The following SBF2 variants were observed in gnomAD, a reference collection of about 807,000 sequenced individuals.
The protein encoded by SBF2 is SET binding factor 2, also known as myotubularin-related protein 13.
A neutral mutation model predicts 225.2 loss-of-function variants in SBF2; 112 were observed. That is an observed-to-expected ratio of 0.50 (90% CI 0.43 to 0.58). The LOEUF (loss-of-function observed/expected upper bound fraction) is 0.58. Ranked by LOEUF, SBF2 falls within the 20% of genes least tolerant of loss-of-function variation. The probability of loss-of-function intolerance (pLI) is 0.00; values close to 1 mark genes in which losing one functional copy is unlikely to be tolerated. For missense variants in SBF2, 1,996 were observed against 2,206.2 expected (o/e 0.90, Z 1.91); for synonymous variants, 763 against 773.3 (o/e 0.99, Z 0.22).
At chr11:10,285,876 C>T (rs1351718885) in intron 1 of SBF2, among the ~76,000 whole-genome samples, 2 of 152,124 alleles carry the variant, frequency 1.3e-5, no homozygotes, top group African/African-American at 2.4e-5. Context: ...TAAAAAAGAG[C>T]ACAAATTTGA....
chr11:10,171,745 T>C (rs1360831398), intron 2 of SBF2, among the ~76,000 whole-genome samples: 2 of 152,234 alleles, frequency 1.3e-5, no homozygotes, highest in East Asian at 1.9e-4. Flanking sequence ...TTGATATTAA[T>C]AGAATTCAGC....
intron 28 of SBF2, chr11:9,828,549 C>A: frequency 1.0e-6 from 1 of 985,430 alleles, no homozygotes; most frequent in Non-Finnish European, 1.2e-6. Context: ...GCCAAAGAGA[C>A]CAACTTCTCA....
intron 1 of SBF2, among the ~76,000 whole-genome samples, chr11:10,265,857 TTGTG>T (rs10616720): frequency 7.3e-5 from 11 of 150,254 alleles, no homozygotes; most frequent in East Asian, 4.0e-4. Context: ...GCCAGGCTAA[TTGTG>T]TGTGTGTGTG....
At chr11:9,834,301 A>G (rs1240255853) in intron 26 of SBF2, among the ~76,000 whole-genome samples, 1 of 151,540 alleles carries the variant, frequency 6.6e-6, no homozygotes, top group Non-Finnish European at 1.5e-5. Context: ...CATGTTGGTC[A>G]GGCTGGTCTC....
chr11:10,195,106 C>T (rs1957311334), intron 1 of SBF2, among the ~76,000 whole-genome samples: 1 of 152,188 alleles, frequency 6.6e-6, no homozygotes, highest in Admixed American at 6.5e-5. Context: ...GGTTTCCCAA[C>T]ATCAGCACTA....
chr11:9,826,731 ATGTG>A (rs71453933), intron 28 of SBF2, among the ~76,000 whole-genome samples: 1,570 of 64,882 alleles, frequency 0.024, 15 homozygotes, highest in Middle Eastern at 0.039. Flanking sequence ...ATATATATAT[ATGTG>A]TGTGTGTGTG....
At chr11:10,294,468 T>C (rs767832536), upstream of SBF2, among the ~76,000 whole-genome samples, 45 of 152,124 alleles carry the variant, frequency 3.0e-4, no homozygotes, top group Non-Finnish European at 5.9e-4. Flanking sequence ...AAGCAGGGGG[T>C]CCTTCCTTCC....
chr11:10,136,409 T>C (rs1045680920), intron 2 of SBF2, among the ~76,000 whole-genome samples: 2 of 152,170 alleles, frequency 1.3e-5, no homozygotes, highest in African/African-American at 4.8e-5. Flanking sequence ...AGCCATAATT[T>C]GAAGCTGGGG....
intron 1 of SBF2, among the ~76,000 whole-genome samples, chr11:10,263,431 A>G (rs1961633514): frequency 6.6e-6 from 1 of 152,092 alleles, no homozygotes; most frequent in Non-Finnish European, 1.5e-5. Context: ...CCATGTATGA[A>G]TGATCAAGAG....
At chr11:10,073,523 G>A (rs1049185059) in intron 2 of SBF2, among the ~76,000 whole-genome samples, 1 of 152,060 alleles carries the variant, frequency 6.6e-6, no homozygotes, top group African/African-American at 2.4e-5. Context: ...GACCAGCCTG[G>A]CCTACATGGC....
chr11:10,262,482 GCACT>G (rs1340683544), intron 1 of SBF2, among the ~76,000 whole-genome samples: 1 of 152,078 alleles, frequency 6.6e-6, no homozygotes, highest in Non-Finnish European at 1.5e-5. Flanking sequence ...ACTGTCTAGA[GCACT>G]CACCTGGCAA....
At chr11:9,982,390 C>A (rs1946996365) in intron 13 of SBF2, among the ~76,000 whole-genome samples, 3 of 152,170 alleles carry the variant, frequency 2.0e-5, no homozygotes, top group Admixed American at 2.0e-4. Context: ...TCATAACACA[C>A]TGACTGACAG....
chr11:10,224,179 T>C (rs1390995052), intron 1 of SBF2, among the ~76,000 whole-genome samples: 2 of 152,126 alleles, frequency 1.3e-5, no homozygotes, highest in Admixed American at 6.6e-5. Flanking sequence ...TGTCTGCAAG[T>C]TTTTTCAAAT....
At chr11:9,937,077 T>G (rs895966697) in intron 16 of SBF2, among the ~76,000 whole-genome samples, 1 of 152,114 alleles carries the variant, frequency 6.6e-6, no homozygotes, top group Non-Finnish European at 1.5e-5. Context: ...AACATCTGAA[T>G]AGTATAAATC....
At chr11:10,093,635 TC>T (rs1408759156) in intron 2 of SBF2, among the ~76,000 whole-genome samples, 1 of 152,230 alleles carries the variant, frequency 6.6e-6, no homozygotes, top group Non-Finnish European at 1.5e-5. Flanking sequence ...TAGTTTTATT[TC>T]TTAAAGCAAT....
At chr11:9,813,834 C>T (rs190399703) in intron 29 of SBF2, among the ~76,000 whole-genome samples, 24 of 151,850 alleles carry the variant, frequency 1.6e-4, no homozygotes, top group Admixed American at 2.6e-4. Context: ...CGCAGCTACT[C>T]GGGAGGCTGA....
chr11:10,011,140 C>T (rs1224453805), intron 6 of SBF2, among the ~76,000 whole-genome samples: 1 of 152,144 alleles, frequency 6.6e-6, no homozygotes, highest in Admixed American at 6.5e-5. Context: ...CCACAGATTT[C>T]CCATTTCTAG....
intron 17 of SBF2, among the ~76,000 whole-genome samples, chr11:9,878,317 C>A (rs920901407): frequency 6.6e-6 from 1 of 152,136 alleles, no homozygotes; most frequent in African/African-American, 2.4e-5. Flanking sequence ...GAGCAGATTG[C>A]AAAAATTTCC....
upstream of SBF2, among the ~76,000 whole-genome samples, chr11:10,294,716 G>A (rs191903119): frequency 1.9e-3 from 297 of 152,324 alleles, 1 homozygote; most frequent in Non-Finnish European, 3.1e-3. Flanking sequence ...AGGCTTTTAC[G>A]CAATCCTCCA....
Sources: allele counts gnomAD v4.1 joint callset (sites outside exome capture counted in the v4.1 genomes callset), GRCh38; gene constraint gnomAD v4.1.1; transcripts MANE v1.5; gene names NCBI Gene and HGNC (gene_info 2026-07-23, HGNC 2026-07-21).